Variants in LCORL observed in about 807,000 individuals in gnomAD.
LCORL encodes the protein ligand dependent nuclear receptor corepressor like, also known as ligand-dependent nuclear receptor corepressor-like protein.
LCORL carries 41 observed loss-of-function variants against 141.8 expected under a neutral mutation model. The ratio of observed to expected loss-of-function variants is 0.29; its 90% CI spans 0.23 to 0.38. The LOEUF is 0.38. Among genes scored for constraint, LCORL ranks in the 10% least tolerant of loss-of-function variants. The pLI is 1.00. For synonymous variants in LCORL, 618 were observed against 694.1 expected (o/e 0.89, Z 1.72); for missense variants, 1,759 against 2,035.0 (o/e 0.86, Z 2.61).
At chr4:17,978,448 A>T (rs923359344) in intron 1 of LCORL, among the ~76,000 whole-genome samples, 22 of 151,676 alleles carry the variant, frequency 1.5e-4, no homozygotes, top group Non-Finnish European at 2.8e-4. Flanking sequence ...ACATCTAAAC[A>T]ACTGGCCCAG....
At chr4:17,883,302 A>G in intron 6 of LCORL, 1 of 992,720 alleles carries the variant, frequency 1.0e-6, no homozygotes, top group Non-Finnish European at 1.2e-6. Flanking sequence ...TAGAATGTTT[A>G]TAAACTATGA....
At chr4:18,001,353 G>A (rs1385346759) in intron 1 of LCORL, among the ~76,000 whole-genome samples, 1 of 152,124 alleles carries the variant, frequency 6.6e-6, no homozygotes. Context: ...CTACTGATAC[G>A]CTCTTTGACT....
At position 18,021,741 on chromosome 4, in the gene LCORL, C is replaced by T. The variant is rs770310043; in HGVS notation, c.11G>A (p.Gly4Glu). Reference sequence around the variant, plus strand: ...GGCGGCAGCGGCCATTCTCTCTCTTCCCTTGTCCATCTGCGTCCCGCGTCA... The same window carrying T: ...GGCGGCAGCGGCCATTCTCTCTCTTTCCTTGTCCATCTGCGTCCCGCGTCA... Residue 4 changes from glycine to glutamate, a missense_variant, in exon 1 of 8, where the codon GGA becomes GAA. By Grantham distance (98) the Gly-to-Glu change is moderately conservative (BLOSUM62 -2). Around this residue, in one of 5 missense-constraint regions of LCORL, gnomAD observed 86 missense variants for 61.8 expected, o/e 1.39. Transcript: ENST00000635767. This position sits in a 1 kb window ranked among gnomAD's most constrained non-coding sequence, Gnocchi z 5.5. 18 of 1,513,894 alleles carry T rather than the reference C, an allele frequency of 1.2e-5. No individual in the cohort carries two copies. In the South Asian group the frequency reaches 2.0e-4, roughly 17 times the overall value. The allele number at this position is 1,513,894 out of a possible 1,614,324, so 93.8% of individuals were successfully genotyped here.
At chr4:17,956,225 C>T (rs1345286021) in intron 4 of LCORL, among the ~76,000 whole-genome samples, 1 of 152,034 alleles carries the variant, frequency 6.6e-6, no homozygotes, top group Non-Finnish European at 1.5e-5. Flanking sequence ...GTACATTGTA[C>T]AGCCACTATA....
rs1056579331 is a variant in LCORL, at chr4:17,873,898, T to C, written c.5092A>G (p.Thr1698Ala). 10 of 1,233,932 alleles carry C rather than the reference T, an allele frequency of 8.1e-6. No individual in the cohort carries two copies. In the Admixed American group the frequency reaches 1.7e-4, roughly 21 times the overall value. The allele number at this position is 1,233,932 out of a possible 1,614,324, so 76.4% of individuals were successfully genotyped here. A position where few individuals can be genotyped will look rare whatever the true frequency, so the allele number is the denominator to read the frequency against. ...TGAAAGTCTTTTTGGCTGCAATTTG[T>C]TCCATTCTCTTTTGCTTCTGACTTA... Residue 1698 changes from threonine (T) to alanine (A), a missense_variant, in exon 7 of 8, where the codon ACA (threonine) becomes GCA (alanine). Thr to Ala is a moderately conservative substitution (Grantham distance 58). Around this residue, in one of 5 missense-constraint regions of LCORL, gnomAD observed 313 missense variants for 336.1 expected, o/e 0.93. Transcript: ENST00000635767.
At chr4:17,877,779 G>A (rs1727073773) in exon 7 of LCORL, 2 of 1,230,432 alleles carry the variant, frequency 1.6e-6, no homozygotes, top group African/African-American at 1.6e-5. Flanking sequence ...GTGAATGTTT[G>A]GTAACAGTCC....
exon 7 of LCORL, chr4:17,875,118 A>G: frequency 2.4e-6 from 3 of 1,233,402 alleles, no homozygotes; most frequent in Admixed American, 8.5e-5. Context: ...TTCTTCAGGC[A>G]GATTTTTTCC....
chr4:17,992,077 A>ATCT (rs1720127345), intron 1 of LCORL, among the ~76,000 whole-genome samples: 1 of 152,204 alleles, frequency 6.6e-6, no homozygotes, highest in African/African-American at 2.4e-5. Flanking sequence ...TGCTTATATT[A>ATCT]GTTCATTTTT....
Position 17,987,331 on chromosome 4 carries a change from G to C in LCORL, c.155-14446C>G, listed in dbSNP as rs528622971. Among the ~76,000 whole-genome samples, 4 of 152,128 alleles carry C rather than the reference G, an allele frequency of 2.6e-5. No homozygotes were observed. The East Asian group carries it at 7.7e-4, about 29-fold the overall frequency. On this transcript the variant is annotated intron_variant, in intron 1 of 7. Transcript: ENST00000635767. ...ATATCACATATGCACTTTTGTGTCTGGCTTCTTTCACTGAGCATAATGTGT... is the reference window on the plus strand; with the variant it reads ...ATATCACATATGCACTTTTGTGTCTCGCTTCTTTCACTGAGCATAATGTGT...
chr4:17,967,094 C>T (rs1427817169), intron 2 of LCORL, among the ~76,000 whole-genome samples: 1 of 152,004 alleles, frequency 6.6e-6, no homozygotes, highest in Non-Finnish European at 1.5e-5. Context: ...CATCAAGAAA[C>T]AGACATGAAA....
At chr4:17,845,760 A>T (rs932550961) in exon 8 of LCORL, 1 of 1,613,496 alleles carries the variant, frequency 6.2e-7, no homozygotes, top group Non-Finnish European at 8.5e-7. Flanking sequence ...TATGAACTGT[A>T]CAGCTCGTTA....
intron 5 of LCORL, among the ~76,000 whole-genome samples, chr4:17,889,527 A>G (rs1728780230): frequency 1.3e-5 from 2 of 152,138 alleles, no homozygotes; most frequent in South Asian, 4.1e-4. Flanking sequence ...TTTTAGATCA[A>G]TTTTAGTTAT....
chr4:17,911,803 T>C (rs1378877846), intron 4 of LCORL: 8 of 454,254 alleles, frequency 1.8e-5, no homozygotes, highest in Non-Finnish European at 1.3e-5. Context: ...GAGCTCTGGT[T>C]CCCTGATCTC....
exon 7 of LCORL, chr4:17,876,983 A>G (rs969734364): frequency 3.3e-6 from 4 of 1,230,566 alleles, no homozygotes; most frequent in African/African-American, 1.6e-5. Flanking sequence ...CTTGGTCATG[A>G]TAGAATTCTC....
intron 4 of LCORL, chr4:17,912,391 G>T: frequency 1.6e-6 from 1 of 641,822 alleles, no homozygotes; most frequent in Non-Finnish European, 3.0e-6. Flanking sequence ...CAGCTCTAGG[G>T]TGACTGCGGA....
chr4:17,891,230 G>C (rs1729024266), intron 5 of LCORL, among the ~76,000 whole-genome samples: 5 of 151,996 alleles, frequency 3.3e-5, no homozygotes, highest in Admixed American at 1.3e-4. Flanking sequence ...TGCAAATTTT[G>C]ATAATAAAAC....
At chr4:17,969,000 A>G (rs151303509) in intron 2 of LCORL, among the ~76,000 whole-genome samples, 36 of 152,354 alleles carry the variant, frequency 2.4e-4, no homozygotes, top group Admixed American at 2.4e-3. Context: ...TTCATGCCAC[A>G]TACAATCTAT....
chr4:18,001,299 T>C (rs1383672871), intron 1 of LCORL, among the ~76,000 whole-genome samples: 1 of 147,236 alleles, frequency 6.8e-6, no homozygotes, highest in Non-Finnish European at 1.5e-5. Context: ...TATTAATAGA[T>C]AGTCAATAAA....
In LCORL at chr4:17,845,853, A is replaced by G. The variant is rs1184667879; in HGVS notation, c.*35T>C. 3 of 1,613,540 alleles carry G rather than the reference A, an allele frequency of 1.9e-6. No individual in the cohort carries two copies. In the South Asian group the frequency reaches 3.3e-5, roughly 18 times the overall value. ...TGGGGCTCAAAGGGCAACTTGCTGT[A>G]TTCTCATCAGACACATTCAGTTTCT... On this transcript the variant is annotated 3_prime_UTR_variant, in exon 8 of 8. Transcript: ENST00000635767.
Sources: allele counts gnomAD v4.1 joint callset (sites outside exome capture counted in the v4.1 genomes callset), GRCh38; gene constraint gnomAD v4.1.1; regional missense constraint gnomAD v4.1.1; non-coding constraint Gnocchi (gnomAD v3.1); transcripts MANE v1.5; gene names NCBI Gene and HGNC (gene_info 2026-07-23, HGNC 2026-07-21).